MBD3: variants seen among roughly 807,000 people sequenced by gnomAD.
MBD3 encodes methyl-CpG-binding domain protein 3.
Under a neutral mutation model 31.2 loss-of-function variants are expected in MBD3, and 13 were observed. That is an observed-to-expected ratio of 0.42 (90% CI 0.27 to 0.66). The LOEUF (loss-of-function observed/expected upper bound fraction) is 0.66. Ranked by LOEUF, MBD3 falls within the 30% of genes least tolerant of loss-of-function variation. MBD3 has a pLI of 0.26. For missense variants in MBD3, 440 were observed against 426.5 expected (o/e 1.03, Z -0.28); for synonymous variants, 223 against 187.4 (o/e 1.19, Z -1.55).
intron 3 of MBD3, among the ~76,000 whole-genome samples, 161 bp downstream of exon 3, chr19:1,584,379 G>C (rs1326999801): frequency 6.6e-6 from 1 of 152,212 alleles, no homozygotes; most frequent in Non-Finnish European, 1.5e-5. Flanking sequence ...ACCACGTCCA[G>C]CTAATTTTTT....
chr19:1,578,271 T>C lies in MBD3; in HGVS notation c.*5+64A>G. 1 of 1,596,306 alleles carries C rather than the reference T, an allele frequency of 6.3e-7. No homozygotes were observed. The highest frequency in any genetic ancestry group is 1.1e-5 in the South Asian group (1 of 90,862). ...GCACCCGTCATCCCAAGCACATCTG[T>C]GTTCACCAGGCAGTCCCCACTGCCA... On this transcript the variant is annotated intron_variant, in intron 6 of 6. Transcript: ENST00000434436. The surrounding 1 kb of genome is among the most constrained non-coding windows in gnomAD (Gnocchi z 6.1).
At chr19:1,581,426 G>GT in intron 4 of MBD3, 157 bp from the exon 5 acceptor site, 1 of 770,206 alleles carries the variant, frequency 1.3e-6, no homozygotes. Flanking sequence ...TCCCGCTTGT[G>GT]TTACTACATT....
In MBD3 at chr19:1,578,477, T is replaced by C. The variant is rs768085777; in HGVS notation, c.739A>G (p.Met247Val). The C allele has an allele frequency of 2.5e-6, 4 of 1,610,884 alleles. No individual in the cohort carries two copies. The highest frequency in any genetic ancestry group is 1.1e-5 in the South Asian group (1 of 91,076). ...KRLEEALMAD[M>V]LAHVEELARD... The stretch of plus-strand genomic sequence containing the variant: ...GCCAGCTCCTCCACGTGCGCCAGCA[T>C]GTCGGCCATCAGCGCCTCCTCCAGC... The change falls in exon 6 of 7, where the codon ATG (methionine) becomes GTG (valine). Residue 247 changes from methionine to valine, a missense_variant. Physicochemically the swap from Met to Val is conservative, Grantham distance 21. Transcript: ENST00000434436. This position sits in a 1 kb window ranked among gnomAD's most constrained non-coding sequence, Gnocchi z 6.1.
At chr19:1,581,419 C>T (rs541712750) in intron 4 of MBD3, 150 bp from the exon 5 acceptor site, 12 of 807,862 alleles carry the variant, frequency 1.5e-5, no homozygotes, top group Admixed American at 6.3e-5. Flanking sequence ...TTCCCTCTCC[C>T]GCTTGTGTTA....
Position 1,585,024 on chromosome 19 carries a change from C to A in MBD3, c.270+31G>T, listed in dbSNP as rs1270533134. The A allele has an allele frequency of 6.2e-7, 1 of 1,607,466 alleles. No individual in the cohort carries two copies. The highest frequency in any genetic ancestry group is 8.5e-7 in the Non-Finnish European group (1 of 1,179,018). ...GCGTCCCCGCCTAGAACGCCCCGCG[C>A]CGACGTCACCTGCGTGACGCCACCA... is the stretch of plus-strand genomic sequence containing the variant. On this transcript the variant is annotated intron_variant, in intron 2 of 6. Coordinates refer to ENST00000434436, the MANE Select transcript of MBD3 (RefSeq NM_001281453.2). This position sits in a 1 kb window ranked among gnomAD's most constrained non-coding sequence, Gnocchi z 4.1.
At position 1,575,442 on chromosome 19, in the gene MBD3, G is replaced by A; in HGVS notation, c.*2722C>T. 1 of 320,564 alleles carries A rather than the reference G, an allele frequency of 3.1e-6. No individual in the cohort carries two copies. The highest frequency in any genetic ancestry group is 6.3e-6 in the Non-Finnish European group (1 of 159,804). The allele number at this position is 320,564 out of a possible 1,614,324, so 19.9% of individuals were successfully genotyped here. On this transcript the variant is annotated 3_prime_UTR_variant, in exon 7 of 7. Coordinates refer to ENST00000434436, the MANE Select transcript of MBD3 (RefSeq NM_001281453.2). ...AAAAAAAAGTCCCAGAAGGTCTTGG[G>A]GCTGAGACATGGGCGGGGCTGGGGG...
chr19:1,580,772 C>A (rs1917333640), intron 5 of MBD3, among the ~76,000 whole-genome samples: 1 of 152,234 alleles, frequency 6.6e-6, no homozygotes. Context: ...GGCAGAGACT[C>A]CTGGCCTGCC....
chr19:1,584,757 C>A (rs2060669949), intron 2 of MBD3, 80 bp from the exon 3 acceptor site: 11 of 1,447,498 alleles, frequency 7.6e-6, no homozygotes, highest in South Asian at 1.2e-5. Flanking sequence ...GCCCGGGTGA[C>A]CCCCTGCTTT....
intron 1 of MBD3, among the ~76,000 whole-genome samples, chr19:1,587,876 G>GTTTTCCCA (rs760675176): frequency 4.5e-5 from 6 of 134,634 alleles, no homozygotes; most frequent in Non-Finnish European, 7.1e-5. Flanking sequence ...CTGTTTTCCC[G>GTTTTCCCA]TTTTCCCAGA....
rs1452925812 is a variant in MBD3 at position 1,592,776 on chromosome 19, C to T, written c.-145G>A. On this transcript the variant is annotated 5_prime_UTR_variant, in exon 1 of 7. Transcript: ENST00000434436. ...CGGCCCGCGGGCCCCCGCCCTCCGC[C>T]CCCAGCCGGGCGCGCGCCGGCTTTG... The T allele has an allele frequency of 6.3e-6, 1 of 159,286 alleles. No homozygotes were observed. The highest frequency in any genetic ancestry group is 2.4e-5 in the African/African-American group (1 of 40,942). The allele number at this position is 159,286 out of a possible 1,614,324, so 9.9% of individuals were successfully genotyped here.
Position 1,576,134 on chromosome 19 carries a change from A to C in MBD3, c.*2030T>G, listed in dbSNP as rs1280950776. On this transcript the variant is annotated 3_prime_UTR_variant, in exon 7 of 7. Coordinates refer to ENST00000434436, the MANE Select transcript of MBD3 (RefSeq NM_001281453.2). ...GATAGACAGAGACAGAGAGAGACCA[A>C]GGGAGACAGGGACACAGTGGGAGAT... 6.6e-6 allele frequency: 1 copy of C among 152,532 alleles called. No individual in the cohort carries two copies. The highest frequency in any genetic ancestry group is 1.9e-4 in the East Asian group (1 of 5,196). The allele number at this position is 152,532 out of a possible 1,614,324, so 9.4% of individuals were successfully genotyped here. A position where few individuals can be genotyped will look rare whatever the true frequency, so the allele number is the denominator to read the frequency against.
Position 1,585,033 on chromosome 19 carries a change from C to T in MBD3, c.270+22G>A. Reference sequence around the variant, plus strand: ...CCTAGAACGCCCCGCGCCGACGTCACCTGCGTGACGCCACCACTCACCTTG... The same window carrying T: ...CCTAGAACGCCCCGCGCCGACGTCATCTGCGTGACGCCACCACTCACCTTG... On this transcript the variant is annotated intron_variant, in intron 2 of 6. Transcript: ENST00000434436. The surrounding 1 kb of genome is among the most constrained non-coding windows in gnomAD (Gnocchi z 4.1). 1 of 1,609,516 alleles carries T rather than the reference C, an allele frequency of 6.2e-7. No individual in the cohort carries two copies. Among genetic ancestry groups the T allele is most frequent in the Non-Finnish European group, 8.5e-7 (1 of 1,179,188 alleles).
At chr19:1,592,385 G>A (rs1225474722) in intron 1 of MBD3, 137 bp downstream of exon 1, 2 of 206,362 alleles carry the variant, frequency 9.7e-6, no homozygotes, top group East Asian at 1.5e-4. Context: ...GGGCGCACAC[G>A]CACGCAAGAC....
rs929504579 is a variant in MBD3 at position 1,577,996 on chromosome 19, G to A, written c.*168C>T. 1.5e-4 allele frequency: 66 copies of A among 434,498 alleles called. No individual in the cohort carries two copies. The highest frequency in any genetic ancestry group is 2.2e-4 in the Non-Finnish European group (52 of 234,408). The allele number at this position is 434,498 out of a possible 1,614,324, so 26.9% of individuals were successfully genotyped here. A position where few individuals can be genotyped will look rare whatever the true frequency, so the allele number is the denominator to read the frequency against. ...GGGGGCAGCCCCAGCTGTGTGCCCC[G>A]AGGCCCCGGGAAGTGGGGACGGGCC... On this transcript the variant is annotated 3_prime_UTR_variant, in exon 7 of 7. Coordinates refer to ENST00000434436, the MANE Select transcript of MBD3 (RefSeq NM_001281453.2).
chr19:1,589,362 A>T (rs1052316254), intron 1 of MBD3, among the ~76,000 whole-genome samples: 7 of 149,642 alleles, frequency 4.7e-5, no homozygotes, highest in Admixed American at 3.4e-4. Flanking sequence ...AAAAAAAAAA[A>T]AAAAAAGAAG....
In MBD3 at chr19:1,575,180, G is replaced by A. The variant is rs1048119834; in HGVS notation, c.*2984C>T. The stretch of plus-strand genomic sequence containing the variant: ...CATGGTGGTTCACACCTGTAATCCC[G>A]GCAATTTGGGAAGCTGGGGCGGGCG... On this transcript the variant is annotated 3_prime_UTR_variant, in exon 7 of 7. Coordinates refer to ENST00000434436, the MANE Select transcript of MBD3 (RefSeq NM_001281453.2). 6 of 435,690 alleles carry A rather than the reference G, an allele frequency of 1.4e-5. No homozygotes were observed. The highest frequency in any genetic ancestry group is 1.5e-4 in the East Asian group (2 of 13,372). The allele number at this position is 435,690 out of a possible 1,614,324, so 27.0% of individuals were successfully genotyped here. A position where few individuals can be genotyped will look rare whatever the true frequency, so the allele number is the denominator to read the frequency against.
chr19:1,581,473 C>T (rs938159850), intron 4 of MBD3: 17 of 622,344 alleles, frequency 2.7e-5, no homozygotes, highest in East Asian at 1.4e-4. Flanking sequence ...CCAGGCGTGG[C>T]GACTCCCGCC....
rs1917279524 is a variant in MBD3, at chr19:1,578,834, G to T, written c.678-296C>A. 1.3e-5 allele frequency among the ~76,000 whole-genome samples: 2 copies of T among 152,134 alleles called. No individual in the cohort carries two copies. Among genetic ancestry groups the T allele is most frequent in the South Asian group, 4.1e-4 (2 of 4,832 alleles). On this transcript the variant is annotated intron_variant, in intron 5 of 6. Transcript: ENST00000434436. This position sits in a 1 kb window ranked among gnomAD's most constrained non-coding sequence, Gnocchi z 6.1. ...CCAGACTTGGCCCTGAGCCTCCCCG[G>T]GGCTCAGCTGTGTAAACCCTTGCTC... is the stretch of plus-strand genomic sequence containing the variant.
chr19:1,578,504 G>C lies in MBD3; in HGVS notation c.712C>G (p.Arg238Gly). ...QEELVQQVRK[R>G]LEEALMADML... ...TCGGCCATCAGCGCCTCCTCCAGCC[G>C]CTTCCGCACCTGCTGCACCAGCTCT... Residue 238 changes from arginine to glycine, a missense_variant, in exon 6 of 7, where the codon CGG becomes GGG. Physicochemically the swap from Arg to Gly is moderately radical, Grantham distance 125. Coordinates refer to ENST00000434436, the MANE Select transcript of MBD3 (RefSeq NM_001281453.2). The surrounding 1 kb of genome is among the most constrained non-coding windows in gnomAD (Gnocchi z 6.1). The C allele has an allele frequency of 1.2e-6, 2 of 1,612,122 alleles. No homozygotes were observed. The highest frequency in any genetic ancestry group is 1.7e-6 in the Non-Finnish European group (2 of 1,179,906).
Sources: gnomAD v4.1 joint callset for allele counts (sites outside exome capture counted in the v4.1 genomes callset) on GRCh38, gnomAD v4.1.1 for gene constraint, Gnocchi (gnomAD v3.1) non-coding constraint, MANE v1.5 for transcripts, NCBI Gene and HGNC (gene_info 2026-07-23, HGNC 2026-07-21) for gene names.